Variants in GABRA3 observed in about 807,000 individuals in gnomAD.
GABRA3 encodes the protein gamma-aminobutyric acid receptor subunit alpha-3.
Under a neutral mutation model 30.1 loss-of-function variants are expected in GABRA3, and 10 were observed. That is an observed-to-expected ratio of 0.33 (90% confidence interval 0.20 to 0.56). GABRA3 has a LOEUF of 0.56. GABRA3 is among the 20% of genes least tolerant of loss of function. The probability of loss-of-function intolerance (pLI) is 0.89; values close to 1 mark genes in which losing one functional copy is unlikely to be tolerated. For missense variants in GABRA3, 233 were observed against 392.0 expected, an observed-to-expected ratio of 0.59 and a Z score of 3.42; for synonymous variants, 151 against 146.8, an observed-to-expected ratio of 1.03 and a Z score of -0.21.
chrX:152,385,949 T>C, intron 1 of GABRA3, among the ~76,000 whole-genome samples: 1 of 110,578 alleles, frequency 9.0e-6, no homozygotes, highest in South Asian at 3.9e-4. Flanking sequence ...TCCATTGATC[T>C]ATATCTCTGT....
Position 152,375,399 on chromosome X carries a change from A to G in GABRA3, c.-26-10803T>C, listed in dbSNP as rs913282545. Among the ~76,000 whole-genome samples, 5 of 111,970 alleles carry G rather than the reference A, an allele frequency of 4.5e-5. No homozygotes were observed. In the East Asian group the frequency reaches 1.4e-3, roughly 32 times the overall value. ...TCTTATGCATAATTGCTCCTATATC[A>G]CAAATATTAAACTATGGTATTTGAT... On this transcript the variant is annotated intron_variant, in intron 1 of 9. Transcript: ENST00000370314.
rs528550935 is a variant in GABRA3, at chrX:152,179,443, C to T, written c.1143+10287G>A. Among the ~76,000 whole-genome samples the T allele has an allele frequency of 1.5e-4, 17 of 110,276 alleles. No individual in the cohort carries two copies. The South Asian group carries it at 5.9e-3, about 38-fold the overall frequency. ...GTATTCTTTGACCAACAACTACCCC[C>T]AACTCCCAGTCCCCAGTAACCACCA... is the stretch of plus-strand genomic sequence containing the variant. On this transcript the variant is annotated intron_variant, in intron 9 of 9. Transcript: ENST00000370314.
At chrX:152,272,408 C>G (rs1211765649) in intron 4 of GABRA3, among the ~76,000 whole-genome samples, 1 of 112,068 alleles carries the variant, frequency 8.9e-6, no homozygotes. Context: ...GCCAATTTGG[C>G]CAATTTCTCC....
intron 6 of GABRA3, among the ~76,000 whole-genome samples, chrX:152,213,813 C>T (rs992998599): frequency 8.9e-6 from 1 of 111,977 alleles, no homozygotes; most frequent in Non-Finnish European, 1.9e-5. Flanking sequence ...CTCCAGATTT[C>T]TCAGCACCAT....
At chrX:152,258,279 T>C (rs1320568935) in intron 4 of GABRA3, among the ~76,000 whole-genome samples, 1 of 111,624 alleles carries the variant, frequency 9.0e-6, no homozygotes, top group Non-Finnish European at 1.9e-5. Flanking sequence ...TCATTGAAAA[T>C]AAAAGTTCAG....
intron 2 of GABRA3, among the ~76,000 whole-genome samples, chrX:152,346,255 A>G (rs896608939): frequency 9.0e-6 from 1 of 111,701 alleles, no homozygotes; most frequent in Admixed American, 9.6e-5. Flanking sequence ...AGTCTTTTCA[A>G]TAAACGGTGC....
intron 3 of GABRA3, among the ~76,000 whole-genome samples, chrX:152,339,784 T>C (rs1014213828): frequency 3.4e-4 from 38 of 111,847 alleles, no homozygotes; most frequent in Non-Finnish European, 9.4e-5. Flanking sequence ...CTTCTCGGTC[T>C]GTACTCCTAG....
intron 5 of GABRA3, among the ~76,000 whole-genome samples, chrX:152,251,499 T>C (rs1386767184): frequency 9.1e-6 from 1 of 109,538 alleles, no homozygotes; most frequent in East Asian, 2.9e-4. Context: ...TTTCATTCAT[T>C]CTCTATTTCT....
At chrX:152,201,223 AAG>A (rs1216698501) in intron 7 of GABRA3, among the ~76,000 whole-genome samples, 1 of 111,092 alleles carries the variant, frequency 9.0e-6, no homozygotes, top group East Asian at 2.8e-4. Context: ...TTCTCTGCCA[AAG>A]AGAGAACTGA....
chrX:152,425,040 G>A (rs1212429574), intron 1 of GABRA3, among the ~76,000 whole-genome samples: 3 of 97,956 alleles, frequency 3.1e-5, no homozygotes, highest in Non-Finnish European at 6.0e-5. Context: ...CCAGGCTCAA[G>A]CAACTCTCCC....
At position 152,352,588 on chromosome X, in the gene GABRA3, C is replaced by T. The variant is rs142555930; in HGVS notation, c.141-6886G>A. Among the ~76,000 whole-genome samples the T allele has an allele frequency of 1.8e-4, 20 of 111,340 alleles. No homozygotes were observed. In the East Asian group the frequency reaches 4.0e-3, roughly 22 times the overall value. On this transcript the variant is annotated intron_variant, in intron 2 of 9. Transcript: ENST00000370314. The stretch of plus-strand genomic sequence containing the variant: ...AGAGGCACAAATGTGGAGTTGCTGA[C>T]GCAGTTCATACAACATCCCAAAGAG...
At chrX:152,242,632 T>C (rs1235987194) in intron 5 of GABRA3, among the ~76,000 whole-genome samples, 1 of 112,387 alleles carries the variant, frequency 8.9e-6, no homozygotes, top group Non-Finnish European at 1.9e-5. Flanking sequence ...CTTAGATGTA[T>C]GAAAAGAGGC....
At chrX:152,181,587 T>G (rs941460739) in intron 9 of GABRA3, among the ~76,000 whole-genome samples, 1 of 109,758 alleles carries the variant, frequency 9.1e-6, no homozygotes, top group African/African-American at 3.3e-5. Context: ...AACCAAACGC[T>G]GCATATTCTC....
intron 1 of GABRA3, among the ~76,000 whole-genome samples, chrX:152,399,539 AGAG>A (rs1213955190): frequency 1.8e-5 from 2 of 112,024 alleles, no homozygotes; most frequent in East Asian, 5.7e-4. Context: ...AAGAGAAATA[AGAG>A]GAGAGTGGAT....
chrX:152,378,894 A>G (rs1470903649), intron 1 of GABRA3, among the ~76,000 whole-genome samples: 2 of 111,944 alleles, frequency 1.8e-5, no homozygotes, highest in Non-Finnish European at 3.8e-5. Context: ...AGGTTTTACT[A>G]GAAGTAATGA....
At chrX:152,194,648 T>C (rs1437001787) in intron 8 of GABRA3, among the ~76,000 whole-genome samples, 1 of 112,398 alleles carries the variant, frequency 8.9e-6, no homozygotes, top group Admixed American at 9.5e-5. Context: ...GATAATCATA[T>C]TTTTAACTTT....
intron 3 of GABRA3, among the ~76,000 whole-genome samples, chrX:152,335,043 G>T (rs939937368): frequency 1.8e-5 from 2 of 111,730 alleles, no homozygotes; most frequent in Admixed American, 9.6e-5. Context: ...TTGGCTGAGA[G>T]TTTCTTCCTT....
chrX:152,333,293 T>C (rs1940189265), intron 3 of GABRA3, among the ~76,000 whole-genome samples: 1 of 112,125 alleles, frequency 8.9e-6, no homozygotes, highest in African/African-American at 3.2e-5. Flanking sequence ...AAATATCCTG[T>C]AGCCTTGCAG....
chrX:152,434,426 G>T (rs1930726019), intron 1 of GABRA3, among the ~76,000 whole-genome samples: 1 of 110,875 alleles, frequency 9.0e-6, no homozygotes, highest in South Asian at 3.8e-4. Flanking sequence ...AATCATGGAA[G>T]TTAATACTTA....
Sources: allele counts gnomAD v4.1 joint callset (sites outside exome capture counted in the v4.1 genomes callset), GRCh38; gene constraint gnomAD v4.1.1; transcripts MANE v1.5; gene names NCBI Gene and HGNC (gene_info 2026-07-23, HGNC 2026-07-21).